The following BCKDHB variants were observed in gnomAD, a reference collection of about 807,000 sequenced individuals.
BCKDHB encodes branched chain keto acid dehydrogenase E1 subunit beta.
In BCKDHB, 41 loss-of-function variants were observed where a neutral mutation model predicts 48.5. The ratio of observed to expected loss-of-function variants is 0.85; its 90% CI spans 0.66 to 1.10. The LOEUF is 1.10. BCKDHB is among the 50% of genes least tolerant of loss of function. The pLI, the probability that BCKDHB is intolerant of heterozygous loss-of-function variation, is 0.00. For missense variants in BCKDHB, 496 were observed against 494.2 expected, an observed-to-expected ratio of 1.00 and a Z score of -0.03; for synonymous variants, 201 against 174.8, an observed-to-expected ratio of 1.15 and a Z score of -1.18.
intron 8 of BCKDHB, among the ~76,000 whole-genome samples, chr6:80,259,658 A>G (rs1181060545): frequency 6.6e-6 from 1 of 152,060 alleles, no homozygotes; most frequent in Non-Finnish European, 1.5e-5. Context: ...AAGAATAATG[A>G]TACCCTAACA....
At chr6:80,228,353 T>G (rs566470638) in intron 8 of BCKDHB, among the ~76,000 whole-genome samples, 1 of 152,216 alleles carries the variant, frequency 6.6e-6, no homozygotes, top group Non-Finnish European at 1.5e-5. Flanking sequence ...CTTCCAATAT[T>G]CAAAAACATT....
At chr6:80,439,613 C>T in the BCKDHB span, among the ~76,000 whole-genome samples, 1 of 152,154 alleles carries the variant, frequency 6.6e-6, no homozygotes, top group Non-Finnish European at 1.5e-5. Flanking sequence ...CATCTCATTA[C>T]TTTAATCCTG....
At chr6:80,330,456 G>A (rs1769267974) in intron 9 of BCKDHB, among the ~76,000 whole-genome samples, 1 of 152,046 alleles carries the variant, frequency 6.6e-6, no homozygotes, top group Non-Finnish European at 1.5e-5. Flanking sequence ...AATATTTACT[G>A]ATCCCTGCTC....
At chr6:80,377,726 G>A in the BCKDHB span, among the ~76,000 whole-genome samples, 145,941 of 152,280 alleles carry the variant, frequency 0.96, 70,252 homozygotes, top group Middle Eastern at 1. Flanking sequence ...ATGTTTTGAT[G>A]TTGTTGTTTT....
chr6:80,234,399 T>G (rs1446126885), intron 8 of BCKDHB, among the ~76,000 whole-genome samples: 1 of 152,090 alleles, frequency 6.6e-6, no homozygotes, highest in Non-Finnish European at 1.5e-5. Flanking sequence ...AATGTTTATG[T>G]GCTCAGCTGG....
the BCKDHB span, among the ~76,000 whole-genome samples, chr6:80,459,125 C>T: frequency 6.6e-6 from 1 of 152,232 alleles, no homozygotes; most frequent in South Asian, 2.1e-4. Context: ...GATCTCACTT[C>T]TGGGTATTTA....
the BCKDHB span, among the ~76,000 whole-genome samples, chr6:80,395,839 G>C: frequency 6.6e-6 from 1 of 152,176 alleles, no homozygotes. Context: ...GCCTTAGAAC[G>C]TGGTGCCCTG....
chr6:80,127,398 C>G (rs1190559333), intron 1 of BCKDHB, 149 bp from the exon 2 acceptor site: 1 of 710,930 alleles, frequency 1.4e-6, no homozygotes, highest in African/African-American at 1.8e-5. Context: ...GCTTTTGTAT[C>G]TTATAGTATT....
intron 8 of BCKDHB, among the ~76,000 whole-genome samples, chr6:80,238,724 G>A (rs561629543): frequency 2.0e-5 from 3 of 150,632 alleles, no homozygotes; most frequent in Non-Finnish European, 3.0e-5. Flanking sequence ...TACATTAGGT[G>A]TATCTCCTAA....
intron 9 of BCKDHB, among the ~76,000 whole-genome samples, chr6:80,278,698 A>C (rs1395342327): frequency 6.6e-6 from 1 of 152,138 alleles, no homozygotes; most frequent in Non-Finnish European, 1.5e-5. Context: ...AGCTGGGATT[A>C]CAGGCACCTG....
intron 8 of BCKDHB, among the ~76,000 whole-genome samples, chr6:80,272,130 A>G (rs947503309): frequency 2.6e-5 from 4 of 152,132 alleles, no homozygotes; most frequent in Non-Finnish European, 4.4e-5. Context: ...TACCTAGTAG[A>G]TATGGTAACT....
chr6:80,265,337 T>A (rs996617494), intron 8 of BCKDHB, among the ~76,000 whole-genome samples: 5 of 152,082 alleles, frequency 3.3e-5, no homozygotes, highest in Non-Finnish European at 5.9e-5. Flanking sequence ...ATAAACAAAA[T>A]GTGATATATA....
intron 6 of BCKDHB, among the ~76,000 whole-genome samples, chr6:80,182,204 T>C (rs1773444775): frequency 6.6e-6 from 1 of 152,202 alleles, no homozygotes; most frequent in African/African-American, 2.4e-5. Context: ...TATTTTGTGA[T>C]GAGAAGGCCC....
the BCKDHB span, among the ~76,000 whole-genome samples, chr6:80,376,891 G>A: frequency 6.2e-4 from 94 of 152,148 alleles, no homozygotes; most frequent in Admixed American, 7.2e-4. Flanking sequence ...TTTTAATTGC[G>A]TTATTTGTCT....
chr6:80,396,590 T>A, the BCKDHB span, among the ~76,000 whole-genome samples: 1 of 152,220 alleles, frequency 6.6e-6, no homozygotes, highest in Non-Finnish European at 1.5e-5. Context: ...TCATCTTGAA[T>A]TTTAGTTTCC....
At chr6:80,349,346 G>A (rs916038036), downstream of BCKDHB, among the ~76,000 whole-genome samples, 3 of 152,148 alleles carry the variant, frequency 2.0e-5, no homozygotes, top group Admixed American at 6.5e-5. Flanking sequence ...TGCCTGTTAC[G>A]GGCCGGGCAC....
At chr6:80,422,645 T>C in the BCKDHB span, among the ~76,000 whole-genome samples, 3 of 152,222 alleles carry the variant, frequency 2.0e-5, no homozygotes, top group Non-Finnish European at 2.9e-5. Flanking sequence ...CAGTGTGCCA[T>C]GGATGTGAGA....
At chr6:80,204,537 T>C (rs1774546526) in intron 8 of BCKDHB, among the ~76,000 whole-genome samples, 2 of 152,104 alleles carry the variant, frequency 1.3e-5, no homozygotes, top group South Asian at 4.1e-4. Flanking sequence ...CCACCACTTA[T>C]CCTGGGGTTT....
intron 8 of BCKDHB, among the ~76,000 whole-genome samples, chr6:80,205,825 TGTGTGTGTGTAG>T (rs998373723): frequency 6.7e-5 from 10 of 148,352 alleles, no homozygotes; most frequent in South Asian, 4.4e-4. Flanking sequence ...TGTGTGTGTG[TGTGTGTGTGTAG>T]GTGGATTGGC....
Sources: gnomAD v4.1 joint callset for allele counts (sites outside exome capture counted in the v4.1 genomes callset) on GRCh38, gnomAD v4.1.1 for gene constraint, MANE v1.5 for transcripts, NCBI Gene and HGNC (gene_info 2026-07-23, HGNC 2026-07-21) for gene names.